Variants in GDPD5 observed in about 807,000 individuals in gnomAD.
GDPD5 encodes glycerophosphodiester phosphodiesterase domain containing 5, also known as glycerophosphodiester phosphodiesterase 2.
Under a neutral mutation model 75.1 loss-of-function variants are expected in GDPD5, and 48 were observed. That is an observed-to-expected ratio of 0.64 (90% CI 0.51 to 0.81). The LOEUF (loss-of-function observed/expected upper bound fraction) is 0.81, where lower values mean the gene tolerates loss of function less well. GDPD5 is among the 40% of genes least tolerant of loss of function. The probability of loss-of-function intolerance (pLI) is 0.00; values close to 1 mark genes in which losing one functional copy is unlikely to be tolerated. For missense variants in GDPD5, 706 were observed against 822.6 expected (o/e 0.86, Z 1.73); for synonymous variants, 336 against 339.0 (o/e 0.99, Z 0.10).
intron 6 of GDPD5, 193 bp downstream of exon 6, chr11:75,456,564 G>GTA (rs1473708515): frequency 3.3e-6 from 2 of 603,054 alleles, no homozygotes; most frequent in African/African-American, 3.7e-5. Flanking sequence ...CAAGGTTGCT[G>GTA]TAAGGGTTAA....
At chr11:75,487,392 G>A (rs1368541619) in intron 2 of GDPD5, among the ~76,000 whole-genome samples, 3 of 152,220 alleles carry the variant, frequency 2.0e-5, no homozygotes, top group African/African-American at 7.2e-5. Flanking sequence ...GTGGGGAGAG[G>A]CTCGGGGAGG....
At chr11:75,483,581 A>G (rs554994785) in intron 2 of GDPD5, among the ~76,000 whole-genome samples, 5 of 152,190 alleles carry the variant, frequency 3.3e-5, no homozygotes, top group African/African-American at 9.6e-5. Flanking sequence ...CTGAATTGCT[A>G]TGTGACCTTG....
intron 3 of GDPD5, among the ~76,000 whole-genome samples, chr11:75,469,371 C>A (rs1949605012): frequency 6.6e-6 from 1 of 152,196 alleles, no homozygotes; most frequent in Non-Finnish European, 1.5e-5. Flanking sequence ...CTCATCATCC[C>A]CACAGTTCTG....
chr11:75,437,126 C>A, intron 15 of GDPD5, 78 bp from the exon 16 acceptor site: 1 of 1,049,128 alleles, frequency 9.5e-7, no homozygotes. Flanking sequence ...CTTCCAGAGC[C>A]TCTCTGGATG....
chr11:75,479,776 T>C (rs576962831), intron 2 of GDPD5, among the ~76,000 whole-genome samples: 127 of 152,288 alleles, frequency 8.3e-4, no homozygotes, highest in African/African-American at 3.0e-3. Context: ...TTGCCTATTC[T>C]AGAGACCTCG....
chr11:75,499,678 C>T lies in GDPD5; in HGVS notation c.-144-9358G>A, dbSNP rs373808268. Among the ~76,000 whole-genome samples the T allele has an allele frequency of 1.5e-4, 23 of 152,272 alleles. 1 individual carries two copies. Among genetic ancestry groups the T allele is most frequent in the Admixed American group, 5.9e-4 (9 of 15,302 alleles). ...AAGTTCACCAGAAGGGAACACACAG[C>T]GGGAAAGACTTAGGCTAGACCCAAA... On this transcript the variant is annotated intron_variant, in intron 1 of 16. Coordinates refer to ENST00000336898, the MANE Select transcript of GDPD5 (RefSeq NM_030792.8).
chr11:75,475,454 C>G (rs1256708237), intron 3 of GDPD5, among the ~76,000 whole-genome samples: 1 of 152,236 alleles, frequency 6.6e-6, no homozygotes, highest in African/African-American at 2.4e-5. Flanking sequence ...CTACCCTGCA[C>G]CAGCCCTGTC....
At chr11:75,484,827 T>TG (rs1279507229) in intron 2 of GDPD5, among the ~76,000 whole-genome samples, 1 of 152,236 alleles carries the variant, frequency 6.6e-6, no homozygotes, top group Non-Finnish European at 1.5e-5. Flanking sequence ...CACTTGCTGC[T>TG]GGGTGGTGTG....
At chr11:75,454,109 T>C (rs1383885913) in intron 6 of GDPD5, among the ~76,000 whole-genome samples, 1 of 152,240 alleles carries the variant, frequency 6.6e-6, no homozygotes, top group Non-Finnish European at 1.5e-5. Flanking sequence ...GGAAGAATTA[T>C]TTGCAGTTTG....
intron 16 of GDPD5, 90 bp from the exon 17 acceptor site, chr11:75,435,745 A>T: frequency 7.4e-7 from 1 of 1,349,378 alleles, no homozygotes; most frequent in African/African-American, 1.4e-5. Flanking sequence ...TGCACCACCC[A>T]GCGGGGCACT....
chr11:75,455,261 G>A (rs1052186818), intron 6 of GDPD5: 10 of 454,486 alleles, frequency 2.2e-5, no homozygotes, highest in Non-Finnish European at 3.1e-5. Context: ...AGCCCCACCC[G>A]GGGTGCCAGC....
In GDPD5 at chr11:75,434,755, G is replaced by A. The variant is rs1948583069; in HGVS notation, c.*752C>T. The A allele has an allele frequency of 6.6e-6, 1 of 152,314 alleles. No homozygotes were observed. 9.4% of individuals were successfully genotyped at this position (152,314 alleles called of 1,614,324 possible). On this transcript the variant is annotated 3_prime_UTR_variant, in exon 17 of 17. Coordinates refer to ENST00000336898, the MANE Select transcript of GDPD5 (RefSeq NM_030792.8). ...AGAACACTTCTACCAGGTGGGCCCT[G>A]CCCTGTGGCCACTGATGTGGGAACC...
chr11:75,444,114 T>C (rs1793147535), intron 10 of GDPD5, among the ~76,000 whole-genome samples: 2 of 152,250 alleles, frequency 1.3e-5, no homozygotes, highest in African/African-American at 4.8e-5. Flanking sequence ...TCACAGTGAA[T>C]GTATCACTCT....
At position 75,468,681 on chromosome 11, in the gene GDPD5, C is replaced by G. The variant is rs538394575; in HGVS notation, c.118-5792G>C. On this transcript the variant is annotated intron_variant, in intron 3 of 16. Coordinates refer to ENST00000336898, the MANE Select transcript of GDPD5 (RefSeq NM_030792.8). ...GGGAGTTACTGCCCTCCCCCGACGC[C>G]CCCCCCCCGGGAGGTGGAGCTGAAA... is the stretch of plus-strand genomic sequence containing the variant. Among the ~76,000 whole-genome samples the G allele has an allele frequency of 9.9e-5, 15 of 151,278 alleles. No individual in the cohort carries two copies. The South Asian group carries it at 2.7e-3, about 27-fold the overall frequency.
chr11:75,474,214 G>T (rs138775742), intron 3 of GDPD5, among the ~76,000 whole-genome samples: 3 of 152,228 alleles, frequency 2.0e-5, no homozygotes, highest in African/African-American at 7.2e-5. Flanking sequence ...TACTACAGAA[G>T]TGCAAGAATC....
intron 6 of GDPD5, chr11:75,451,876 C>T (rs1949167062): frequency 6.6e-6 from 1 of 152,212 alleles, no homozygotes; most frequent in African/African-American, 2.4e-5. Flanking sequence ...GTGGGACTTC[C>T]CTACCTTGCA....
At chr11:75,500,842 C>A (rs1950292628) in intron 1 of GDPD5, among the ~76,000 whole-genome samples, 1 of 152,172 alleles carries the variant, frequency 6.6e-6, no homozygotes, top group Non-Finnish European at 1.5e-5. Context: ...GACGCCAAGC[C>A]CAGCTCTGTT....
chr11:75,493,751 C>T (rs1950157952), intron 1 of GDPD5, among the ~76,000 whole-genome samples: 1 of 152,170 alleles, frequency 6.6e-6, no homozygotes, highest in South Asian at 2.1e-4. Context: ...TCCTCCCAGA[C>T]AGCAGCGAGC....
chr11:75,442,435 C>T lies in GDPD5; in HGVS notation c.1095G>A (p.Glu365=), dbSNP rs1948846216. The T allele has an allele frequency of 6.2e-7, 1 of 1,611,068 alleles. No homozygotes were observed. The highest frequency in any genetic ancestry group is 8.5e-7 in the Non-Finnish European group (1 of 1,178,782). Residue 365 remains glutamate (E), a synonymous_variant, in exon 12 of 17, where the codon GAG becomes GAA. Transcript: ENST00000336898. ...TGATAAAACTGCTGCGGTAGGGGTG[C>T]TCCCGGGGCGGGTCACGCAGGTTGA... ...LLLNLRDPPR[E]HPYRSSFINV... is the part of the protein sequence containing the mutation.
Sources: gnomAD v4.1 joint callset for allele counts (sites outside exome capture counted in the v4.1 genomes callset) on GRCh38, gnomAD v4.1.1 for gene constraint, MANE v1.5 for transcripts, NCBI Gene and HGNC (gene_info 2026-07-23, HGNC 2026-07-21) for gene names.